TEX36: variants seen among roughly 807,000 people sequenced by gnomAD.
TEX36 encodes the protein testis-expressed protein 36.
A neutral mutation model predicts 13.6 loss-of-function variants in TEX36; 12 were observed. The ratio of observed to expected loss-of-function variants is 0.88; its 90% CI spans 0.56 to 1.43. The LOEUF (loss-of-function observed/expected upper bound fraction) is 1.43. TEX36 is among the 40% of genes most tolerant of loss of function. The probability of loss-of-function intolerance (pLI) is 0.00; values close to 1 mark genes in which losing one functional copy is unlikely to be tolerated. For synonymous variants in TEX36, 93 were observed against 83.0 expected (o/e 1.12, Z -0.65); for missense variants, 224 against 228.3 (o/e 0.98, Z 0.12).
At position 125,623,966 on chromosome 10, in the gene TEX36, G is replaced by A. The variant is rs75970681; in HGVS notation, c.265-2321C>T. ...TGGACACACGTGTGAGCGTTAGTGG[G>A]ATTAACCCGTGTGGACAGGTTGGGA... is the stretch of plus-strand genomic sequence containing the variant. On this transcript the variant is annotated intron_variant, in intron 3 of 3. Coordinates refer to the TEX36 transcript ENST00000526819. 4.5e-3 allele frequency among the ~76,000 whole-genome samples: 682 copies of A among 152,292 alleles called. 7 individuals carry two copies. Among genetic ancestry groups the A allele is most frequent in the African/African-American group, 0.016 (657 of 41,558 alleles).
intron 3 of TEX36, among the ~76,000 whole-genome samples, chr10:125,622,631 C>T (rs566587467): frequency 1.2e-4 from 19 of 152,278 alleles, no homozygotes; most frequent in South Asian, 1.2e-3. Context: ...CAAGATCAGA[C>T]GAGATGGGAT....
chr10:125,601,218 C>G (rs958827691), intron 3 of TEX36, among the ~76,000 whole-genome samples: 1 of 152,186 alleles, frequency 6.6e-6, no homozygotes, highest in Non-Finnish European at 1.5e-5. Context: ...GTTTGAGGAA[C>G]TTTTAATTAA....
intron 3 of TEX36, among the ~76,000 whole-genome samples, chr10:125,632,346 C>T (rs1846567260): frequency 6.6e-6 from 1 of 152,144 alleles, no homozygotes; most frequent in Non-Finnish European, 1.5e-5. Context: ...ATCCTCTTGG[C>T]TTGTCTGTGT....
rs35078105 is a variant in TEX36 at position 125,586,635 on chromosome 10, C to CAAAAAAAAAA, written c.265-9771_265-9762dup. On this transcript the variant is annotated intron_variant, in intron 3 of 3. Coordinates refer to the TEX36 transcript ENST00000532135. ...TGAAACTCCGTCTCTACTAAAAATC[C>CAAAAAAAAAA]AAAAAAAAAAAAAAAAAAAAAATTA... is the stretch of plus-strand genomic sequence containing the variant. Among the ~76,000 whole-genome samples the CAAAAAAAAAA allele has an allele frequency of 7.8e-3, 877 of 112,270 alleles. 1 individual carries two copies. The highest frequency in any genetic ancestry group is 0.011 in the Non-Finnish European group (625 of 57,682). The allele number at this position is 112,270 out of a possible 152,430, so 73.7% of individuals were successfully genotyped here. A position where few individuals can be genotyped will look rare whatever the true frequency, so the allele number is the denominator to read the frequency against.
Position 125,603,807 on chromosome 10 carries a change from C to A in TEX36, c.265-26933G>T, listed in dbSNP as rs566484517. Reference sequence around the variant, plus strand: ...ACTCCTGCAGTCTGAGATGATACACCCCCCTCCACCGGAACACAGGACCCT... The same window carrying A: ...ACTCCTGCAGTCTGAGATGATACACACCCCTCCACCGGAACACAGGACCCT... On this transcript the variant is annotated intron_variant, in intron 3 of 3. Transcript: ENST00000532135. Among the ~76,000 whole-genome samples, 60 of 152,206 alleles carry A rather than the reference C, an allele frequency of 3.9e-4. 1 individual carries two copies. The highest frequency in any genetic ancestry group is 1.4e-3 in the African/African-American group (57 of 41,522).
intron 3 of TEX36, among the ~76,000 whole-genome samples, chr10:125,598,913 C>G (rs1039874048): frequency 1.3e-5 from 2 of 152,150 alleles, no homozygotes; most frequent in African/African-American, 4.8e-5. Flanking sequence ...TGCTGGTTAA[C>G]CACTAACAAA....
At chr10:125,665,720 T>C (rs1847110509) in intron 1 of TEX36, among the ~76,000 whole-genome samples, 1 of 152,066 alleles carries the variant, frequency 6.6e-6, no homozygotes, top group Non-Finnish European at 1.5e-5. Context: ...ATTTTAAGAT[T>C]GTTTTTTCTA....
chr10:125,600,316 G>A (rs755716878), intron 3 of TEX36, among the ~76,000 whole-genome samples: 5 of 152,128 alleles, frequency 3.3e-5, no homozygotes, highest in Non-Finnish European at 7.4e-5. Flanking sequence ...GGCTGAGGAG[G>A]GAGTAGAGAC....
intron 1 of TEX36, among the ~76,000 whole-genome samples, chr10:125,678,968 G>C (rs1286836712): frequency 6.6e-6 from 1 of 152,098 alleles, no homozygotes; most frequent in Non-Finnish European, 1.5e-5. Context: ...TAGCAGCTGT[G>C]CTGAGGCCCT....
intron 3 of TEX36, among the ~76,000 whole-genome samples, chr10:125,645,723 G>A (rs7906923): frequency 0.026 from 3,956 of 152,100 alleles, 177 homozygotes; most frequent in African/African-American, 0.09. Flanking sequence ...ATTAGCATTG[G>A]AGAAAAGTGG....
At chr10:125,638,339 G>GA (rs537553978) in intron 3 of TEX36, among the ~76,000 whole-genome samples, 32 of 150,730 alleles carry the variant, frequency 2.1e-4, no homozygotes, top group African/African-American at 5.6e-4. Context: ...GTTTAAAAAA[G>GA]AAAAAAAATC....
chr10:125,661,108 A>C lies in TEX36; in HGVS notation c.184-7T>G. Reference sequence around the variant, plus strand: ...ACTGGTTATTCACTGCTTGCTGGAAAAGTGGGATGGAAGGGAAAGAGCACA... The same window carrying C: ...ACTGGTTATTCACTGCTTGCTGGAACAGTGGGATGGAAGGGAAAGAGCACA... On this transcript the variant is annotated splice_polypyrimidine_tract_variant and splice_region_variant and intron_variant, in intron 2 of 3. Transcript: ENST00000368821. 6.4e-7 allele frequency: 1 copy of C among 1,551,328 alleles called. No individual in the cohort carries two copies. The highest frequency in any genetic ancestry group is 8.7e-7 in the Non-Finnish European group (1 of 1,146,504).
intron 3 of TEX36, among the ~76,000 whole-genome samples, chr10:125,627,684 A>G (rs1846504314): frequency 6.6e-6 from 1 of 152,254 alleles, no homozygotes; most frequent in East Asian, 1.9e-4. Context: ...CAACAAATAT[A>G]CAAATAAATA....
chr10:125,584,440 A>G (rs1845919272), intron 3 of TEX36, among the ~76,000 whole-genome samples: 1 of 152,224 alleles, frequency 6.6e-6, no homozygotes, highest in Non-Finnish European at 1.5e-5. Context: ...AGCCATTAAT[A>G]TGTTGGTATT....
chr10:125,642,199 T>C (rs1215771083), intron 3 of TEX36, among the ~76,000 whole-genome samples: 2 of 152,106 alleles, frequency 1.3e-5, no homozygotes, highest in African/African-American at 4.8e-5. Context: ...GAAAAGAAAA[T>C]GCACCTGGTG....
intron 3 of TEX36, among the ~76,000 whole-genome samples, chr10:125,602,357 A>G (rs1265567673): frequency 6.6e-6 from 1 of 152,166 alleles, no homozygotes; most frequent in Non-Finnish European, 1.5e-5. Context: ...CTTTTCATCT[A>G]TTAAAAAAAT....
At chr10:125,630,730 C>T (rs1204433337) in intron 3 of TEX36, among the ~76,000 whole-genome samples, 2 of 152,190 alleles carry the variant, frequency 1.3e-5, no homozygotes, top group African/African-American at 4.8e-5. Flanking sequence ...CTAATGCACT[C>T]TCCATCCAAC....
At chr10:125,667,797 T>C (rs767925636) in intron 1 of TEX36, 36 of 1,060,190 alleles carry the variant, frequency 3.4e-5, no homozygotes, top group Non-Finnish European at 5.1e-5. Context: ...TTCTCTTTGG[T>C]GTTCTCGGCG....
chr10:125,597,544 ATGT>A (rs914342655), intron 3 of TEX36, among the ~76,000 whole-genome samples: 3 of 152,232 alleles, frequency 2.0e-5, no homozygotes, highest in African/African-American at 4.8e-5. Context: ...TGGAGGTTTT[ATGT>A]TGTTTTGGCC....
Sources: allele counts gnomAD v4.1 joint callset (sites outside exome capture counted in the v4.1 genomes callset), GRCh38; gene constraint gnomAD v4.1.1; transcripts MANE v1.5; gene names NCBI Gene and HGNC (gene_info 2026-07-23, HGNC 2026-07-21).